Variants in DPP10 observed in about 807,000 individuals in gnomAD.
DPP10 encodes the protein dipeptidyl peptidase like 10.
A neutral mutation model predicts 120.9 loss-of-function variants in DPP10; 33 were observed. The observed-to-expected ratio is 0.27, with a 90% confidence interval of 0.21 to 0.37. DPP10 has a LOEUF of 0.37. DPP10 is among the 10% of genes least tolerant of loss of function. The pLI is 1.00. For missense variants in DPP10, 816 were observed against 942.8 expected (o/e 0.87, Z 1.76); for synonymous variants, 337 against 326.1 (o/e 1.03, Z -0.36).
chr2:115,212,059 C>A (rs2105357212), intron 1 of DPP10, among the ~76,000 whole-genome samples: 1 of 152,276 alleles, frequency 6.6e-6, no homozygotes, highest in African/African-American at 2.4e-5. Flanking sequence ...AGTTACTTCT[C>A]AATGAAGCTC....
intron 3 of DPP10, among the ~76,000 whole-genome samples, chr2:115,369,589 C>T (rs148433852): frequency 3.6e-4 from 55 of 152,048 alleles, no homozygotes; most frequent in Non-Finnish European, 7.5e-4. Context: ...TTGGGTGTTA[C>T]GTAATACTGG....
At position 115,142,834 on chromosome 2, in the gene DPP10, G is replaced by A. The variant is rs183638114; in HGVS notation, c.61-166405G>A. ...CCTGGTCTACTTCAGCTCCTCTTTCGAAGCTGCCTCACTCTGAGTAGTTTT... is the reference window on the plus strand; with the variant it reads ...CCTGGTCTACTTCAGCTCCTCTTTCAAAGCTGCCTCACTCTGAGTAGTTTT... On this transcript the variant is annotated intron_variant, in intron 1 of 25. Transcript: ENST00000410059. Among the ~76,000 whole-genome samples the A allele has an allele frequency of 1.4e-3, 211 of 152,210 alleles. 2 individuals are homozygous for A. The highest frequency in any genetic ancestry group is 4.7e-3 in the African/African-American group (197 of 41,532).
chr2:114,596,150 T>C (rs1691889262), intron 1 of DPP10, among the ~76,000 whole-genome samples: 1 of 86 alleles, frequency 0.012, no homozygotes, highest in Non-Finnish European at 0.022. Context: ...TTTGAAAATA[T>C]GCAACTTTTT....
At chr2:115,361,218 G>T (rs1213241973) in intron 3 of DPP10, among the ~76,000 whole-genome samples, 1 of 151,838 alleles carries the variant, frequency 6.6e-6, no homozygotes, top group South Asian at 2.1e-4. Flanking sequence ...GAGAGTGAGG[G>T]CTCCTCTCCT....
chr2:114,523,051 C>T (rs138551920), intron 1 of DPP10, among the ~76,000 whole-genome samples: 1 of 152,176 alleles, frequency 6.6e-6, no homozygotes, highest in Non-Finnish European at 1.5e-5. Flanking sequence ...TCTCTCGAAA[C>T]AGATCCTGAG....
intron 1 of DPP10, among the ~76,000 whole-genome samples, chr2:114,450,457 C>A (rs1302788254): frequency 6.6e-6 from 1 of 151,732 alleles, no homozygotes; most frequent in Non-Finnish European, 1.5e-5. Flanking sequence ...ATCTCAGTAC[C>A]TATCCTAATA....
intron 1 of DPP10, among the ~76,000 whole-genome samples, chr2:115,100,568 GTGTA>G (rs2048639898): frequency 2.0e-5 from 3 of 152,192 alleles, no homozygotes; most frequent in South Asian, 4.2e-4. Flanking sequence ...ACATGTGTGT[GTGTA>G]TGTGTGTGTG....
chr2:114,795,606 CAG>C (rs899020762), intron 1 of DPP10, among the ~76,000 whole-genome samples: 2 of 151,982 alleles, frequency 1.3e-5, no homozygotes, highest in African/African-American at 4.8e-5. Flanking sequence ...CCTTGAACAA[CAG>C]AGTTTTGAAC....
chr2:115,334,673 G>C (rs2063012260), intron 2 of DPP10, among the ~76,000 whole-genome samples: 1 of 151,992 alleles, frequency 6.6e-6, no homozygotes, highest in South Asian at 2.1e-4. Flanking sequence ...CGGTTGAAGA[G>C]AACAACTATG....
At chr2:115,759,535 C>A (rs1035309743) in intron 11 of DPP10, among the ~76,000 whole-genome samples, 1 of 151,776 alleles carries the variant, frequency 6.6e-6, no homozygotes, top group African/African-American at 2.4e-5. Flanking sequence ...TTAAAGAGGA[C>A]GTGAAAAACA....
At chr2:114,965,126 ACTTTCTTT>A (rs560094719) in intron 1 of DPP10, among the ~76,000 whole-genome samples, 3 of 151,434 alleles carry the variant, frequency 2.0e-5, no homozygotes, top group Admixed American at 6.6e-5. Context: ...TCAGTTTGGG[ACTTTCTTT>A]CTTTCTTTCT....
chr2:114,685,556 A>T (rs911418207), intron 1 of DPP10, among the ~76,000 whole-genome samples: 4 of 151,938 alleles, frequency 2.6e-5, no homozygotes, highest in Admixed American at 6.6e-5. Flanking sequence ...TTCCCATTTG[A>T]TATCCTATAA....
At chr2:114,581,018 A>C (rs1376509247) in intron 1 of DPP10, among the ~76,000 whole-genome samples, 1 of 151,914 alleles carries the variant, frequency 6.6e-6, no homozygotes, top group African/African-American at 2.4e-5. Context: ...TAATGGAGAA[A>C]TTTTGTGCTG....
At chr2:114,967,638 T>C (rs1699125104) in intron 1 of DPP10, among the ~76,000 whole-genome samples, 3 of 152,112 alleles carry the variant, frequency 2.0e-5, no homozygotes, top group South Asian at 4.1e-4. Context: ...AAGTGAAGAA[T>C]AGTGAAAGGC....
At chr2:115,162,063 G>C (rs2052419716) in intron 1 of DPP10, 4 of 1,451,782 alleles carry the variant, frequency 2.8e-6, no homozygotes, top group African/African-American at 1.5e-5. Flanking sequence ...GCCCTCCCGG[G>C]AGGGGTGGCT....
intron 1 of DPP10, among the ~76,000 whole-genome samples, chr2:115,137,181 G>A (rs2050691064): frequency 6.6e-6 from 1 of 152,150 alleles, no homozygotes; most frequent in African/African-American, 2.4e-5. Context: ...CCTTTGTATG[G>A]GAAGAGCATC....
At chr2:115,251,697 C>T (rs570577669) in intron 1 of DPP10, among the ~76,000 whole-genome samples, 1 of 152,242 alleles carries the variant, frequency 6.6e-6, no homozygotes, top group South Asian at 2.1e-4. Flanking sequence ...TTATTTTTCT[C>T]CAACATTATT....
intron 1 of DPP10, among the ~76,000 whole-genome samples, chr2:114,729,743 C>G (rs538705857): frequency 1.4e-4 from 22 of 152,336 alleles, no homozygotes; most frequent in African/African-American, 5.0e-4. Context: ...TTGTTGTGAT[C>G]TGTGTTTCAA....
At chr2:114,503,118 C>A (rs1414112571) in intron 1 of DPP10, among the ~76,000 whole-genome samples, 2 of 152,196 alleles carry the variant, frequency 1.3e-5, no homozygotes, top group Non-Finnish European at 2.9e-5. Context: ...GGCTGCTGCA[C>A]CCTTTGCAAT....
Sources: allele counts gnomAD v4.1 joint callset (sites outside exome capture counted in the v4.1 genomes callset), GRCh38; gene constraint gnomAD v4.1.1; transcripts MANE v1.5; gene names NCBI Gene and HGNC (gene_info 2026-07-23, HGNC 2026-07-21).